GPHN: variants seen among roughly 807,000 people sequenced by gnomAD.
GPHN encodes the protein gephyrin.
In GPHN, 17 loss-of-function variants were observed where a neutral mutation model predicts 95.5. The ratio of observed to expected loss-of-function variants is 0.18; its 90% CI spans 0.12 to 0.27. GPHN has a LOEUF of 0.27. Among genes scored for constraint, GPHN ranks in the 10% least tolerant of loss-of-function variants. GPHN has a pLI of 1.00. For missense variants in GPHN, 660 were observed against 978.1 expected, an observed-to-expected ratio of 0.67 and a Z score of 4.34; for synonymous variants, 320 against 322.5, an observed-to-expected ratio of 0.99 and a Z score of 0.08.
chr14:66,508,426 C>T lies in GPHN; in HGVS notation c.-102C>T. On this transcript the variant is annotated 5_prime_UTR_variant, in exon 1 of 23. Coordinates refer to ENST00000478722, the MANE Select transcript of GPHN (RefSeq NM_020806.5). ...CCGCTCTCCTCGCGCTTCTCTGGCT[C>T]CCTAGCTGTCGCGCTCTCCTCGGCG... 9.9e-7 allele frequency: 1 copy of T among 1,011,786 alleles called. No individual in the cohort carries two copies. The highest frequency in any genetic ancestry group is 1.3e-5 in the South Asian group (1 of 79,090). 62.7% of individuals were successfully genotyped at this position (1,011,786 alleles called of 1,614,324 possible).
chr14:66,654,175 T>C (rs1040015107), intron 1 of GPHN, among the ~76,000 whole-genome samples: 3 of 152,126 alleles, frequency 2.0e-5, no homozygotes, highest in East Asian at 1.9e-4. Context: ...TTTGAGACAG[T>C]CTTGCTCTGT....
chr14:66,737,653 A>G (rs1156620991), intron 2 of GPHN, among the ~76,000 whole-genome samples: 1 of 152,194 alleles, frequency 6.6e-6, no homozygotes, highest in Admixed American at 6.5e-5. Context: ...GCTGTAGGCC[A>G]CACATCAGCA....
intron 1 of GPHN, among the ~76,000 whole-genome samples, chr14:66,539,749 T>C (rs534966793): frequency 3.3e-4 from 50 of 152,134 alleles, no homozygotes; most frequent in Non-Finnish European, 6.8e-4. Flanking sequence ...GTGGAGTCTT[T>C]CTGTCTGGGC....
the GPHN span, among the ~76,000 whole-genome samples, chr14:67,457,972 G>A: frequency 6.6e-6 from 1 of 152,188 alleles, no homozygotes; most frequent in African/African-American, 2.4e-5. Flanking sequence ...GTCCTTCTTA[G>A]CTGGTCAGAG....
intron 1 of GPHN, among the ~76,000 whole-genome samples, chr14:66,669,931 C>A (rs1482282369): frequency 6.6e-6 from 1 of 152,172 alleles, no homozygotes; most frequent in Non-Finnish European, 1.5e-5. Flanking sequence ...TCTCTGCTGC[C>A]TTGGTCTTAG....
At chr14:67,069,050 A>G (rs1183420638) in intron 11 of GPHN, among the ~76,000 whole-genome samples, 1 of 152,182 alleles carries the variant, frequency 6.6e-6, no homozygotes, top group Non-Finnish European at 1.5e-5. Context: ...AGCTTTGTCA[A>G]GACACTCTTT....
At chr14:67,348,159 C>T in the GPHN span, among the ~76,000 whole-genome samples, 2 of 152,040 alleles carry the variant, frequency 1.3e-5, no homozygotes, top group Non-Finnish European at 2.9e-5. Context: ...ACCACAACCT[C>T]TGCCTCCTGG....
At chr14:67,589,190 A>G in the GPHN span, 1 of 194,076 alleles carries the variant, frequency 5.2e-6, no homozygotes, top group Non-Finnish European at 9.4e-6. Context: ...ACAAGAATGG[A>G]GCTGTGTTCA....
chr14:66,671,206 G>T (rs2066288971), intron 1 of GPHN, among the ~76,000 whole-genome samples: 1 of 152,064 alleles, frequency 6.6e-6, no homozygotes. Context: ...TAATCATTTG[G>T]AATACATTTT....
intron 1 of GPHN, among the ~76,000 whole-genome samples, chr14:66,561,705 A>G (rs943236707): frequency 6.6e-6 from 1 of 152,200 alleles, no homozygotes; most frequent in African/African-American, 2.4e-5. Context: ...TTTAAAAAAC[A>G]AAAGTTACTA....
the GPHN span, among the ~76,000 whole-genome samples, chr14:67,377,084 T>A: frequency 6.6e-6 from 1 of 152,260 alleles, no homozygotes; most frequent in Non-Finnish European, 1.5e-5. Flanking sequence ...TAATTCTGTA[T>A]GTTAGGATCT....
intron 1 of GPHN, among the ~76,000 whole-genome samples, chr14:66,583,207 T>C (rs960500601): frequency 3.9e-5 from 6 of 151,990 alleles, no homozygotes; most frequent in South Asian, 4.1e-4. Context: ...CTGTTCATAT[T>C]CTTTGCCCAC....
At chr14:67,458,048 T>C in the GPHN span, among the ~76,000 whole-genome samples, 1 of 152,176 alleles carries the variant, frequency 6.6e-6, no homozygotes, top group Admixed American at 6.5e-5. Context: ...GGAGCGGGAA[T>C]TGAAGGTGGA....
chr14:67,096,523 T>A lies in GPHN; in HGVS notation c.1238-4333T>A, dbSNP rs574433685. Among the ~76,000 whole-genome samples, 81 of 152,328 alleles carry A rather than the reference T, an allele frequency of 5.3e-4. 1 individual carries two copies. In the East Asian group the frequency reaches 0.012, roughly 22 times the overall value. On this transcript the variant is annotated intron_variant, in intron 12 of 22. Coordinates refer to ENST00000478722, the MANE Select transcript of GPHN (RefSeq NM_020806.5). ...GAATGCCAACTTCATTTCTTTATTC[T>A]TTTAACAAATATTTATTATCAGCGA...
At chr14:67,130,940 T>G (rs982444976) in intron 17 of GPHN, among the ~76,000 whole-genome samples, 5 of 152,124 alleles carry the variant, frequency 3.3e-5, no homozygotes, top group African/African-American at 1.2e-4. Flanking sequence ...CTGTTCAGGT[T>G]TTTTGCCCAT....
chr14:66,566,100 A>T (rs891609302), intron 1 of GPHN, among the ~76,000 whole-genome samples: 3 of 152,010 alleles, frequency 2.0e-5, no homozygotes, highest in Non-Finnish European at 4.4e-5. Flanking sequence ...TACTGAACTC[A>T]TCATTTCATG....
At chr14:66,715,739 A>G (rs1484258451) in intron 2 of GPHN, among the ~76,000 whole-genome samples, 1 of 152,192 alleles carries the variant, frequency 6.6e-6, no homozygotes, top group African/African-American at 2.4e-5. Context: ...TTTTTGACCC[A>G]GTGATCATTC....
the GPHN span, among the ~76,000 whole-genome samples, chr14:67,439,578 T>TTTCTTTCC: frequency 9.3e-6 from 1 of 107,722 alleles, no homozygotes; most frequent in South Asian, 3.2e-4. Context: ...TCTTTCTTTC[T>TTTCTTTCC]TTCTTTCTTT....
chr14:66,991,870 TAAAAAAAAA>T (rs1555458890), intron 9 of GPHN, among the ~76,000 whole-genome samples: 1 of 111,150 alleles, frequency 9.0e-6, no homozygotes, highest in Non-Finnish European at 2.0e-5. Flanking sequence ...AGACCCTGTC[TAAAAAAAAA>T]AAAAAAAAGA....
Sources: allele counts gnomAD v4.1 joint callset (sites outside exome capture counted in the v4.1 genomes callset), GRCh38; gene constraint gnomAD v4.1.1; transcripts MANE v1.5; gene names NCBI Gene and HGNC (gene_info 2026-07-23, HGNC 2026-07-21).